The following ADGRL3 variants were observed in gnomAD, a reference collection of about 807,000 sequenced individuals.
ADGRL3 encodes calcium-independent alpha-latrotoxin receptor 3.
ADGRL3 carries 62 observed loss-of-function variants against 153.5 expected under a neutral mutation model. That is an observed-to-expected ratio of 0.40 (90% CI 0.33 to 0.50). The LOEUF is 0.50. Ranked by LOEUF, ADGRL3 falls within the 20% of genes least tolerant of loss-of-function variation. ADGRL3 has a pLI of 0.47. For synonymous variants in ADGRL3, 710 were observed against 672.5 expected, an observed-to-expected ratio of 1.06 and a Z score of -0.86; for missense variants, 1,641 against 1,859.4, an observed-to-expected ratio of 0.88 and a Z score of 2.16.
At chr4:61,308,735 A>G (rs2094893529) in intron 1 of ADGRL3, among the ~76,000 whole-genome samples, 1 of 152,166 alleles carries the variant, frequency 6.6e-6, no homozygotes, top group Non-Finnish European at 1.5e-5. Flanking sequence ...GCATATGTAA[A>G]ATGGGATGGA....
chr4:61,882,273 C>G (rs2098513056), intron 9 of ADGRL3, among the ~76,000 whole-genome samples: 1 of 152,188 alleles, frequency 6.6e-6, no homozygotes. Flanking sequence ...ATTCAACCAA[C>G]AATGACTGAA....
intron 13 of ADGRL3, among the ~76,000 whole-genome samples, chr4:61,917,545 A>G (rs1361802589): frequency 6.6e-6 from 1 of 152,238 alleles, no homozygotes; most frequent in African/African-American, 2.4e-5. Context: ...TCTGTTTTCC[A>G]GAGACAGTAC....
At chr4:61,981,985 A>C (rs1241089558) in intron 18 of ADGRL3, among the ~76,000 whole-genome samples, 3 of 152,206 alleles carry the variant, frequency 2.0e-5, no homozygotes, top group African/African-American at 7.2e-5. Context: ...CAAAGTACAC[A>C]TTTCTTTCCC....
chr4:61,393,686 T>G (rs1265625422), intron 2 of ADGRL3, among the ~76,000 whole-genome samples: 1 of 152,168 alleles, frequency 6.6e-6, no homozygotes, highest in East Asian at 1.9e-4. Context: ...AAAATATTAC[T>G]TTTACTTCTA....
chr4:61,563,410 G>A (rs2098803546), intron 4 of ADGRL3, among the ~76,000 whole-genome samples: 1 of 152,144 alleles, frequency 6.6e-6, no homozygotes, highest in African/African-American at 2.4e-5. Flanking sequence ...AGGGCCTTAG[G>A]ATTTTCAGAG....
At chr4:61,341,046 C>A in intron 1 of ADGRL3, among the ~76,000 whole-genome samples, 1 of 151,764 alleles carries the variant, frequency 6.6e-6, no homozygotes, top group East Asian at 1.9e-4. Flanking sequence ...TAATTTATAT[C>A]AGTTGTGAAG....
chr4:61,442,736 C>G (rs1218819545), intron 2 of ADGRL3, among the ~76,000 whole-genome samples: 1 of 152,008 alleles, frequency 6.6e-6, no homozygotes, highest in Non-Finnish European at 1.5e-5. Flanking sequence ...ATGAGTTGGT[C>G]TTAATGCCTG....
chr4:61,745,929 G>A (rs2096653033), intron 8 of ADGRL3, among the ~76,000 whole-genome samples: 1 of 152,182 alleles, frequency 6.6e-6, no homozygotes, highest in Non-Finnish European at 1.5e-5. Context: ...TGGATAAAGA[G>A]TCAAGACCCA....
chr4:61,884,031 C>T lies in ADGRL3; in HGVS notation c.1481-8625C>T, dbSNP rs188174049. Reference sequence around the variant, plus strand: ...TTTCCATAAGGCTTTTTAGAGAAGGCTTCCATGAGAGCAAGGAACATAATA... The same window carrying T: ...TTTCCATAAGGCTTTTTAGAGAAGGTTTCCATGAGAGCAAGGAACATAATA... On this transcript the variant is annotated intron_variant, in intron 9 of 26. Coordinates refer to ENST00000683033, the MANE Select transcript of ADGRL3 (RefSeq NM_001387552.1). 4.6e-5 allele frequency among the ~76,000 whole-genome samples: 7 copies of T among 152,204 alleles called. No homozygotes were observed. The East Asian group carries it at 1.4e-3, about 29-fold the overall frequency.
chr4:61,232,501 G>C (rs1751118425), intron 1 of ADGRL3, among the ~76,000 whole-genome samples: 1 of 151,920 alleles, frequency 6.6e-6, no homozygotes, highest in Non-Finnish European at 1.5e-5. Context: ...TAGAGACAGG[G>C]TTTCACCATG....
chr4:61,393,810 T>C (rs2096840001), intron 2 of ADGRL3, among the ~76,000 whole-genome samples: 1 of 152,178 alleles, frequency 6.6e-6, no homozygotes, highest in Admixed American at 6.6e-5. Context: ...AATTTTAATT[T>C]ACTTTAAAAT....
chr4:62,061,493 T>C (rs1175151298), intron 25 of ADGRL3, among the ~76,000 whole-genome samples: 2 of 151,964 alleles, frequency 1.3e-5, no homozygotes, highest in Non-Finnish European at 2.9e-5. Flanking sequence ...TTTAGTTCTA[T>C]GCAATTTTAC....
intron 2 of ADGRL3, among the ~76,000 whole-genome samples, chr4:61,432,265 C>T (rs2097364341): frequency 1.3e-5 from 2 of 152,180 alleles, no homozygotes; most frequent in Non-Finnish European, 2.9e-5. Flanking sequence ...CTGGTTATGA[C>T]TATTCTCCTT....
Position 61,768,371 on chromosome 4 carries a change from G to A in ADGRL3, c.1399+34817G>A, listed in dbSNP as rs1261289958. 2.0e-5 allele frequency among the ~76,000 whole-genome samples: 3 copies of A among 148,508 alleles called. No individual in the cohort carries two copies. In the East Asian group the frequency reaches 5.8e-4, roughly 29 times the overall value. ...AGAGGTCAGATGGGTCTGTAGAAAA[G>A]GAAGATTAGAAAGACTCAGCGACGC... On this transcript the variant is annotated intron_variant, in intron 8 of 26. Coordinates refer to ENST00000683033, the MANE Select transcript of ADGRL3 (RefSeq NM_001387552.1).
chr4:61,328,059 G>A (rs2095499676), intron 1 of ADGRL3, among the ~76,000 whole-genome samples: 1 of 151,934 alleles, frequency 6.6e-6, no homozygotes, highest in Non-Finnish European at 1.5e-5. Context: ...TGATTGCTTT[G>A]GATTGGCAAA....
intron 6 of ADGRL3, among the ~76,000 whole-genome samples, chr4:61,708,077 T>C (rs1000929831): frequency 2.6e-5 from 4 of 152,146 alleles, no homozygotes; most frequent in Admixed American, 1.3e-4. Context: ...GTTTTGTGGG[T>C]CACTTGGTGC....
chr4:61,470,706 A>C (rs2097940044), intron 2 of ADGRL3, among the ~76,000 whole-genome samples: 1 of 151,952 alleles, frequency 6.6e-6, no homozygotes. Flanking sequence ...GTGCTATGGT[A>C]CAATTAAGAA....
intron 8 of ADGRL3, among the ~76,000 whole-genome samples, chr4:61,803,276 G>C (rs1450901): frequency 6.6e-6 from 1 of 151,944 alleles, no homozygotes; most frequent in Non-Finnish European, 1.5e-5. Context: ...GAAGTTAATA[G>C]TGAAATTCTA....
intron 5 of ADGRL3, among the ~76,000 whole-genome samples, chr4:61,671,197 A>G (rs1449280125): frequency 2.0e-5 from 3 of 152,200 alleles, no homozygotes; most frequent in Non-Finnish European, 2.9e-5. Context: ...CATTTTTACT[A>G]TATGGTGCTC....
Sources: allele counts gnomAD v4.1 joint callset (sites outside exome capture counted in the v4.1 genomes callset), GRCh38; gene constraint gnomAD v4.1.1; transcripts MANE v1.5; gene names NCBI Gene and HGNC (gene_info 2026-07-23, HGNC 2026-07-21).